The following MARCHF1 variants were observed in gnomAD, a reference collection of about 807,000 sequenced individuals.
MARCHF1 encodes the protein E3 ubiquitin-protein ligase MARCHF1.
Under a neutral mutation model 54.2 loss-of-function variants are expected in MARCHF1, and 40 were observed. That is an observed-to-expected ratio of 0.74 (90% CI 0.57 to 0.96). MARCHF1 has a LOEUF of 0.96. Ranked by LOEUF, MARCHF1 falls within the 40% of genes least tolerant of loss-of-function variation. The probability of loss-of-function intolerance (pLI) is 0.00; values close to 1 mark genes in which losing one functional copy is unlikely to be tolerated. For missense variants in MARCHF1, 586 were observed against 656.5 expected (o/e 0.89, Z 1.17); for synonymous variants, 236 against 236.3 (o/e 1.00, Z 0.01).
intron 2 of MARCHF1, among the ~76,000 whole-genome samples, chr4:164,039,745 T>C (rs1754084803): frequency 6.6e-6 from 1 of 152,018 alleles, no homozygotes; most frequent in African/African-American, 2.4e-5. Context: ...CAGTAGAGTT[T>C]TATGAAATAA....
chr4:164,236,831 T>C (rs1266077589), intron 1 of MARCHF1, among the ~76,000 whole-genome samples: 1 of 152,152 alleles, frequency 6.6e-6, no homozygotes, highest in Non-Finnish European at 1.5e-5. Flanking sequence ...AGCTTTGAAA[T>C]GTAAAAACTA....
At chr4:163,638,603 T>C (rs1326104039) in intron 5 of MARCHF1, among the ~76,000 whole-genome samples, 4 of 152,098 alleles carry the variant, frequency 2.6e-5, no homozygotes, top group Admixed American at 2.6e-4. Context: ...GCCTCAGATA[T>C]TTCTATATAG....
chr4:163,959,487 A>G (rs1029935652), intron 3 of MARCHF1, among the ~76,000 whole-genome samples: 4 of 152,004 alleles, frequency 2.6e-5, no homozygotes, highest in African/African-American at 9.7e-5. Context: ...ATGGAACACA[A>G]TAGAGAGCCC....
chr4:163,744,561 T>A (rs1030437875), intron 4 of MARCHF1, among the ~76,000 whole-genome samples: 4 of 152,238 alleles, frequency 2.6e-5, no homozygotes, highest in African/African-American at 9.6e-5. Flanking sequence ...GTAAATAGTG[T>A]GTAAGTGTCA....
chr4:163,833,003 G>A (rs1205934930), intron 4 of MARCHF1, among the ~76,000 whole-genome samples: 2 of 151,932 alleles, frequency 1.3e-5, no homozygotes, highest in African/African-American at 4.8e-5. Flanking sequence ...TTGGATATTT[G>A]GGTTGGTTCC....
At chr4:164,373,927 C>T (rs1435422598) in intron 1 of MARCHF1, among the ~76,000 whole-genome samples, 2 of 152,150 alleles carry the variant, frequency 1.3e-5, no homozygotes, top group Non-Finnish European at 2.9e-5. Context: ...ACCATGAAAA[C>T]ACACAGAAGT....
chr4:163,970,454 T>C (rs1752526111), intron 3 of MARCHF1, among the ~76,000 whole-genome samples: 1 of 152,180 alleles, frequency 6.6e-6, no homozygotes. Context: ...AAATGTTTGA[T>C]GGAAGAACGG....
At chr4:163,981,189 G>C (rs1406323051) in intron 3 of MARCHF1, among the ~76,000 whole-genome samples, 1 of 152,030 alleles carries the variant, frequency 6.6e-6, no homozygotes. Context: ...ATTCATATTG[G>C]CATCAAAAGT....
intron 5 of MARCHF1, among the ~76,000 whole-genome samples, chr4:163,624,740 C>G (rs1741811634): frequency 6.6e-6 from 1 of 152,178 alleles, no homozygotes; most frequent in South Asian, 2.1e-4. Flanking sequence ...AGTTGTAGGT[C>G]TAGTGTCCAA....
chr4:163,871,804 T>C (rs1174295735), intron 3 of MARCHF1, among the ~76,000 whole-genome samples: 1 of 152,172 alleles, frequency 6.6e-6, no homozygotes, highest in Non-Finnish European at 1.5e-5. Flanking sequence ...TACACCTTCA[T>C]TTGTTAATAT....
intron 4 of MARCHF1, among the ~76,000 whole-genome samples, chr4:163,769,535 A>G (rs1481915220): frequency 6.6e-6 from 1 of 152,196 alleles, no homozygotes; most frequent in Non-Finnish European, 1.5e-5. Flanking sequence ...AGCTAGAATC[A>G]AACCCATGTC....
At chr4:164,253,499 A>C (rs1004530136) in intron 1 of MARCHF1, among the ~76,000 whole-genome samples, 1 of 152,198 alleles carries the variant, frequency 6.6e-6, no homozygotes, top group African/African-American at 2.4e-5. Context: ...AACTAAAATA[A>C]CAGACAGTAG....
intron 4 of MARCHF1, 66 bp downstream of exon 4, chr4:163,853,955 C>T: frequency 7.2e-7 from 1 of 1,393,300 alleles, no homozygotes; most frequent in Non-Finnish European, 9.7e-7. Context: ...AGGTCATCCT[C>T]TCCACATTTC....
intron 3 of MARCHF1, among the ~76,000 whole-genome samples, chr4:163,927,059 T>A (rs924295470): frequency 6.6e-6 from 1 of 151,812 alleles, no homozygotes; most frequent in Admixed American, 6.6e-5. Flanking sequence ...AGATAAAAAA[T>A]TTGATTTGGG....
At chr4:163,616,006 G>A (rs1741496805) in intron 5 of MARCHF1, among the ~76,000 whole-genome samples, 1 of 151,990 alleles carries the variant, frequency 6.6e-6, no homozygotes, top group African/African-American at 2.4e-5. Flanking sequence ...TAGTAAACTG[G>A]ATATCCATAT....
At chr4:164,052,347 C>T (rs1008372789) in intron 2 of MARCHF1, among the ~76,000 whole-genome samples, 1 of 151,950 alleles carries the variant, frequency 6.6e-6, no homozygotes, top group East Asian at 1.9e-4. Context: ...GCCTGGCCAA[C>T]ATGGTAAAGC....
At position 164,076,136 on chromosome 4, in the gene MARCHF1, T is replaced by TAACAACAACAAC. The variant is rs57287504; in HGVS notation, c.-248+35440_-248+35451dup. Among the ~76,000 whole-genome samples the TAACAACAACAAC allele has an allele frequency of 5.8e-3, 866 of 150,472 alleles. 4 individuals are homozygous for TAACAACAACAAC. Among genetic ancestry groups the TAACAACAACAAC allele is most frequent in the East Asian group, 0.021 (109 of 5,076 alleles). ...CAAAGAATTCAAACAAATAATTTTC[T>TAACAACAACAAC]AACAACAACAACAACAACAACAACA... On this transcript the variant is annotated intron_variant, in intron 2 of 9. Coordinates refer to ENST00000514618, the MANE Select transcript of MARCHF1 (RefSeq NM_001394959.1).
At chr4:164,369,895 T>G (rs1386876140) in intron 1 of MARCHF1, among the ~76,000 whole-genome samples, 1 of 152,066 alleles carries the variant, frequency 6.6e-6, no homozygotes, top group East Asian at 1.9e-4. Context: ...GGATGAAAAA[T>G]CAACATGTAA....
intron 4 of MARCHF1, among the ~76,000 whole-genome samples, chr4:163,780,799 G>A (rs188614662): frequency 3.3e-4 from 50 of 152,282 alleles, no homozygotes; most frequent in African/African-American, 1.1e-3. Flanking sequence ...TTCTATGTGC[G>A]TTTGGCAGGG....
Sources: allele counts gnomAD v4.1 joint callset (sites outside exome capture counted in the v4.1 genomes callset), GRCh38; gene constraint gnomAD v4.1.1; transcripts MANE v1.5; gene names NCBI Gene and HGNC (gene_info 2026-07-23, HGNC 2026-07-21).